VTI1A: variants seen among roughly 807,000 people sequenced by gnomAD.
VTI1A encodes vesicle transport through interaction with t-SNAREs homolog 1A.
In VTI1A, 22 loss-of-function variants were observed where a neutral mutation model predicts 34.9. That is an observed-to-expected ratio of 0.63 (90% confidence interval 0.45 to 0.90). The LOEUF (loss-of-function observed/expected upper bound fraction) is 0.90, where lower values mean the gene tolerates loss of function less well. VTI1A is among the 40% of genes least tolerant of loss of function. The pLI is 0.00. For synonymous variants in VTI1A, 87 were observed against 97.3 expected, an observed-to-expected ratio of 0.89 and a Z score of 0.62; for missense variants, 268 against 275.6, an observed-to-expected ratio of 0.97 and a Z score of 0.20.
At chr10:112,531,906 G>A (rs1445848892) in intron 4 of VTI1A, among the ~76,000 whole-genome samples, 5 of 152,056 alleles carry the variant, frequency 3.3e-5, no homozygotes, top group Non-Finnish European at 7.4e-5. Flanking sequence ...GCTTCTTCTG[G>A]GGAAGAATTA....
At chr10:112,532,295 A>G (rs374640469) in intron 4 of VTI1A, among the ~76,000 whole-genome samples, 4 of 152,216 alleles carry the variant, frequency 2.6e-5, no homozygotes, top group African/African-American at 7.2e-5. Flanking sequence ...ATTTCTCCCA[A>G]AGCAATAGTT....
intron 5 of VTI1A, among the ~76,000 whole-genome samples, chr10:112,632,403 T>TG (rs1279338846): frequency 6.6e-6 from 1 of 152,226 alleles, no homozygotes; most frequent in Non-Finnish European, 1.5e-5. Context: ...TCTTTACCAT[T>TG]GAAGGATAGA....
At chr10:112,664,115 T>C (rs1847559273) in intron 5 of VTI1A, among the ~76,000 whole-genome samples, 1 of 152,188 alleles carries the variant, frequency 6.6e-6, no homozygotes, top group Non-Finnish European at 1.5e-5. Flanking sequence ...AATAATTCGC[T>C]GGATACCACA....
At chr10:112,481,929 G>T (rs900844382) in intron 3 of VTI1A, among the ~76,000 whole-genome samples, 2 of 152,142 alleles carry the variant, frequency 1.3e-5, no homozygotes, top group Non-Finnish European at 2.9e-5. Flanking sequence ...AGGATTTCTT[G>T]TATCTTGTTT....
At chr10:112,603,650 C>G (rs1292360530) in intron 5 of VTI1A, among the ~76,000 whole-genome samples, 2 of 152,086 alleles carry the variant, frequency 1.3e-5, no homozygotes, top group African/African-American at 2.4e-5. Flanking sequence ...AAAATTTCTT[C>G]CCCTTGTATG....
intron 5 of VTI1A, among the ~76,000 whole-genome samples, chr10:112,569,913 C>A (rs1042582737): frequency 6.6e-6 from 1 of 152,196 alleles, no homozygotes; most frequent in Admixed American, 6.5e-5. Flanking sequence ...AGAACCTGTG[C>A]TTTGAAACTT....
intron 5 of VTI1A, among the ~76,000 whole-genome samples, chr10:112,572,012 GA>G (rs1347184335): frequency 1.3e-5 from 2 of 151,970 alleles, no homozygotes; most frequent in Non-Finnish European, 2.9e-5. Flanking sequence ...CACAAAGGCT[GA>G]AAAATTATTG....
intron 7 of VTI1A, among the ~76,000 whole-genome samples, chr10:112,693,617 A>G (rs1413690152): frequency 5.3e-5 from 8 of 152,244 alleles, no homozygotes; most frequent in Non-Finnish European, 8.8e-5. Flanking sequence ...CACCTTCACC[A>G]TGTAAAATGT....
intron 5 of VTI1A, among the ~76,000 whole-genome samples, chr10:112,653,728 A>C (rs1262933953): frequency 1.3e-5 from 2 of 152,188 alleles, no homozygotes; most frequent in African/African-American, 4.8e-5. Context: ...GGGAGCATTC[A>C]TTGCAGTATT....
intron 5 of VTI1A, among the ~76,000 whole-genome samples, chr10:112,646,350 A>G (rs1020748101): frequency 1.3e-5 from 2 of 152,134 alleles, no homozygotes; most frequent in Non-Finnish European, 2.9e-5. Context: ...CACCCAGTAG[A>G]TTATTAGACA....
At chr10:112,755,756 A>G (rs1851262615) in intron 7 of VTI1A, among the ~76,000 whole-genome samples, 1 of 152,228 alleles carries the variant, frequency 6.6e-6, no homozygotes, top group Non-Finnish European at 1.5e-5. Flanking sequence ...ACTTGTGTGT[A>G]TATATATAAA....
At chr10:112,851,008 G>A in the VTI1A span, among the ~76,000 whole-genome samples, 3 of 152,194 alleles carry the variant, frequency 2.0e-5, no homozygotes, top group African/African-American at 7.2e-5. Flanking sequence ...ACCTGAGACT[G>A]AAGCTCCTCC....
At chr10:112,465,228 C>G (rs1395672683) in intron 3 of VTI1A, among the ~76,000 whole-genome samples, 1 of 152,108 alleles carries the variant, frequency 6.6e-6, no homozygotes, top group Non-Finnish European at 1.5e-5. Flanking sequence ...TCCTATATAT[C>G]TGGCTTTCAA....
intron 2 of VTI1A, among the ~76,000 whole-genome samples, chr10:112,462,602 T>C (rs928583475): frequency 6.6e-6 from 1 of 152,242 alleles, no homozygotes; most frequent in African/African-American, 2.4e-5. Flanking sequence ...GTGCTTCTCA[T>C]TTATGTTGAG....
At chr10:112,726,676 A>G (rs1850039237) in intron 7 of VTI1A, among the ~76,000 whole-genome samples, 1 of 152,110 alleles carries the variant, frequency 6.6e-6, no homozygotes, top group Admixed American at 6.5e-5. Context: ...AAACTATAGA[A>G]CCTCTCTCTG....
intron 3 of VTI1A, among the ~76,000 whole-genome samples, chr10:112,497,165 A>C (rs1849057031): frequency 6.6e-6 from 1 of 152,072 alleles, no homozygotes; most frequent in Non-Finnish European, 1.5e-5. Flanking sequence ...TAAAATTACA[A>C]AAGTTAGCTG....
chr10:112,549,530 G>C (rs1457002400), intron 5 of VTI1A, among the ~76,000 whole-genome samples: 1 of 152,150 alleles, frequency 6.6e-6, no homozygotes, highest in Non-Finnish European at 1.5e-5. Flanking sequence ...CCCATATAGG[G>C]ACAGAAGATA....
chr10:112,668,857 G>T, intron 6 of VTI1A, 80 bp from the exon 7 acceptor site: 4 of 1,410,062 alleles, frequency 2.8e-6, no homozygotes, highest in Non-Finnish European at 2.0e-6. Flanking sequence ...TTTCTATCAT[G>T]AAATAAATTG....
At chr10:112,535,290 A>G (rs1363620150) in intron 4 of VTI1A, among the ~76,000 whole-genome samples, 1 of 152,196 alleles carries the variant, frequency 6.6e-6, no homozygotes, top group Non-Finnish European at 1.5e-5. Flanking sequence ...TAGATCTAGC[A>G]TTGATATTTA....
Sources: gnomAD v4.1 joint callset for allele counts (sites outside exome capture counted in the v4.1 genomes callset) on GRCh38, gnomAD v4.1.1 for gene constraint, MANE v1.5 for transcripts, NCBI Gene and HGNC (gene_info 2026-07-23, HGNC 2026-07-21) for gene names.